CTNNA3: variants seen among roughly 807,000 people sequenced by gnomAD.
CTNNA3 encodes catenin alpha 3.
CTNNA3 carries 76 observed loss-of-function variants against 95.7 expected under a neutral mutation model. That is an observed-to-expected ratio of 0.79 (90% CI 0.66 to 0.96). CTNNA3 has a LOEUF of 0.96. Ranked by LOEUF, CTNNA3 falls within the 40% of genes least tolerant of loss-of-function variation. The pLI, the probability that CTNNA3 is intolerant of heterozygous loss-of-function variation, is 0.00. For missense variants in CTNNA3, 1,191 were observed against 1,089.8 expected (o/e 1.09, Z -1.31); for synonymous variants, 431 against 374.4 (o/e 1.15, Z -1.74).
intron 12 of CTNNA3, among the ~76,000 whole-genome samples, chr10:66,305,997 A>G (rs776712192): frequency 6.6e-5 from 10 of 152,176 alleles, no homozygotes; most frequent in Non-Finnish European, 1.2e-4. Flanking sequence ...ACCCAACTAA[A>G]TGTATTTTGC....
At chr10:66,043,414 TTTA>T (rs2079750481) in intron 15 of CTNNA3, among the ~76,000 whole-genome samples, 1 of 152,278 alleles carries the variant, frequency 6.6e-6, no homozygotes, top group East Asian at 1.9e-4. Context: ...TTAGGTTAAT[TTTA>T]TTATACTTTG....
At chr10:66,042,929 A>T (rs1241502630) in intron 15 of CTNNA3, among the ~76,000 whole-genome samples, 1 of 141,582 alleles carries the variant, frequency 7.1e-6, no homozygotes, top group Non-Finnish European at 1.5e-5. Flanking sequence ...AAAAAAAAAA[A>T]GAAAATAAAA....
chr10:67,234,162 A>G (rs1034773008), intron 5 of CTNNA3, among the ~76,000 whole-genome samples: 1 of 152,198 alleles, frequency 6.6e-6, no homozygotes, highest in African/African-American at 2.4e-5. Flanking sequence ...AACTCATTTT[A>G]TGAGGCCAGC....
At chr10:66,595,807 A>T in intron 10 of CTNNA3, among the ~76,000 whole-genome samples, 1 of 147,408 alleles carries the variant, frequency 6.8e-6, no homozygotes, top group East Asian at 2.0e-4. Context: ...TAGCTAATTT[A>T]TTTATTTATT....
At chr10:66,377,998 G>C (rs2092808097) in intron 12 of CTNNA3, among the ~76,000 whole-genome samples, 2 of 151,920 alleles carry the variant, frequency 1.3e-5, no homozygotes, top group South Asian at 4.2e-4. Flanking sequence ...CAAAGAGATA[G>C]TAAGAAAATT....
chr10:66,265,914 T>C (rs1349810461), intron 13 of CTNNA3, among the ~76,000 whole-genome samples: 1 of 152,048 alleles, frequency 6.6e-6, no homozygotes. Flanking sequence ...ATCTGTCTTA[T>C]CTATCTCCAT....
chr10:67,260,046 T>G (rs184027935), intron 5 of CTNNA3, among the ~76,000 whole-genome samples: 43 of 152,292 alleles, frequency 2.8e-4, no homozygotes, highest in Middle Eastern at 3.4e-3. Flanking sequence ...CCCTAAAGAA[T>G]AAACTAATCA....
chr10:67,187,972 A>C (rs1862937311), intron 6 of CTNNA3, among the ~76,000 whole-genome samples: 1 of 152,186 alleles, frequency 6.6e-6, no homozygotes, highest in African/African-American at 2.4e-5. Flanking sequence ...TGAGTCTCTT[A>C]AAGAGCCTAC....
intron 5 of CTNNA3, among the ~76,000 whole-genome samples, chr10:67,387,373 C>G (rs950485351): frequency 6.6e-6 from 1 of 152,298 alleles, no homozygotes; most frequent in South Asian, 2.1e-4. Context: ...CGGCGCACCA[C>G]GAGAGTATAT....
intron 17 of CTNNA3, among the ~76,000 whole-genome samples, chr10:65,963,195 T>A (rs535764894): frequency 3.9e-5 from 6 of 152,312 alleles, no homozygotes; most frequent in African/African-American, 1.2e-4. Context: ...TAAAATTAAA[T>A]TATAAATGAT....
At chr10:66,647,877 C>CA (rs1001487435) in intron 9 of CTNNA3, among the ~76,000 whole-genome samples, 1 of 151,832 alleles carries the variant, frequency 6.6e-6, no homozygotes, top group African/African-American at 2.4e-5. Context: ...CATATGCTAT[C>CA]AAAAAAGAAA....
At chr10:66,764,156 G>A (rs1056776323) in intron 9 of CTNNA3, among the ~76,000 whole-genome samples, 1 of 152,162 alleles carries the variant, frequency 6.6e-6, no homozygotes, top group Non-Finnish European at 1.5e-5. Context: ...ATTATAATGT[G>A]TTAAGGAAAC....
At chr10:66,708,213 T>C (rs1848180001) in intron 9 of CTNNA3, among the ~76,000 whole-genome samples, 1 of 150,660 alleles carries the variant, frequency 6.6e-6, no homozygotes, top group Admixed American at 6.6e-5. Flanking sequence ...TTTTTTGGCT[T>C]GCCAATGCTG....
At chr10:66,624,207 C>T (rs537647298) in intron 9 of CTNNA3, among the ~76,000 whole-genome samples, 1 of 152,118 alleles carries the variant, frequency 6.6e-6, no homozygotes, top group Admixed American at 6.6e-5. Context: ...AGTTAATAAG[C>T]TTCTGATTAT....
intron 7 of CTNNA3, among the ~76,000 whole-genome samples, chr10:66,936,763 A>G (rs563301324): frequency 4.6e-5 from 7 of 152,230 alleles, no homozygotes; most frequent in Admixed American, 1.3e-4. Flanking sequence ...TCCTCCATCC[A>G]GTGGTGCCCA....
At position 66,496,350 on chromosome 10, in the gene CTNNA3, A is replaced by C. The variant is rs554755193; in HGVS notation, c.1531+24267T>G. ...ATAATGTTCTAAAAGTTGTATTTTA[A>C]AACGATATATCTACATAAAGTGTGA... On this transcript the variant is annotated intron_variant, in intron 11 of 17. Coordinates refer to ENST00000433211, the MANE Select transcript of CTNNA3 (RefSeq NM_013266.4). 1.8e-3 allele frequency among the ~76,000 whole-genome samples: 278 copies of C among 152,320 alleles called. 1 individual carries two copies. The highest frequency in any genetic ancestry group is 4.4e-3 in the Admixed American group (68 of 15,300).
upstream of CTNNA3, among the ~76,000 whole-genome samples, chr10:67,700,130 A>C (rs533655770): frequency 2.5e-4 from 38 of 152,332 alleles, no homozygotes; most frequent in South Asian, 6.2e-4. Context: ...GAAGCTCGAA[A>C]TGGGTGGAGC....
intron 3 of CTNNA3, among the ~76,000 whole-genome samples, chr10:67,547,839 C>T (rs574902128): frequency 1.1e-4 from 16 of 152,272 alleles, no homozygotes; most frequent in African/African-American, 3.9e-4. Flanking sequence ...AAGTGTAAGA[C>T]TTGTACACTG....
chr10:67,554,931 A>G (rs1841179646), intron 3 of CTNNA3, among the ~76,000 whole-genome samples: 1 of 152,154 alleles, frequency 6.6e-6, no homozygotes, highest in Non-Finnish European at 1.5e-5. Flanking sequence ...TAATTTTTGT[A>G]TAAGGTGTAA....
Sources: gnomAD v4.1 joint callset for allele counts (sites outside exome capture counted in the v4.1 genomes callset) on GRCh38, gnomAD v4.1.1 for gene constraint, MANE v1.5 for transcripts, NCBI Gene and HGNC (gene_info 2026-07-23, HGNC 2026-07-21) for gene names.